KCNN1: variants seen among roughly 807,000 people sequenced by gnomAD.
The protein encoded by KCNN1 is small conductance calcium-activated potassium channel protein 1.
KCNN1 carries 20 observed loss-of-function variants against 44.7 expected under a neutral mutation model. The observed-to-expected ratio is 0.45, with a 90% confidence interval of 0.32 to 0.65. The LOEUF is 0.65. Ranked by LOEUF, KCNN1 falls within the 30% of genes least tolerant of loss-of-function variation. KCNN1 has a pLI of 0.05. For synonymous variants in KCNN1, 324 were observed against 341.7 expected (o/e 0.95, Z 0.57); for missense variants, 632 against 785.3 (o/e 0.80, Z 2.33).
intron 2 of KCNN1, among the ~76,000 whole-genome samples, chr19:17,961,727 C>T (rs747305429): frequency 5.3e-5 from 8 of 152,056 alleles, no homozygotes; most frequent in East Asian, 1.9e-4. Flanking sequence ...AGATTACAGG[C>T]GCGTGCTACC....
chr19:17,959,546 G>A (rs2031629923), intron 2 of KCNN1, among the ~76,000 whole-genome samples: 2 of 151,798 alleles, frequency 1.3e-5, no homozygotes, highest in Non-Finnish European at 2.9e-5. Flanking sequence ...GTGAGCCACC[G>A]CACCCGGTTA....
chr19:17,973,791 C>T lies in KCNN1; in HGVS notation c.-81-17C>T, dbSNP rs1187083101. The T allele has an allele frequency of 6.7e-6, 10 of 1,493,378 alleles. No individual in the cohort carries two copies. Among genetic ancestry groups the T allele is most frequent in the Non-Finnish European group, 8.9e-6 (10 of 1,128,912 alleles). 92.5% of individuals were successfully genotyped at this position (1,493,378 alleles called of 1,614,324 possible). On this transcript the variant is annotated splice_polypyrimidine_tract_variant and intron_variant, in intron 1 of 9. Transcript: ENST00000684775. ...AGCTGGACCCTGCTGTGACCATGTC[C>T]CTCTGTGCCCTTGCAGGTCAGTGCA...
intron 9 of KCNN1, among the ~76,000 whole-genome samples, chr19:17,994,864 C>T (rs573411011): frequency 6.6e-6 from 1 of 152,096 alleles, no homozygotes; most frequent in African/African-American, 2.4e-5. Context: ...TTTTTGAATT[C>T]TTCCACTGGA....
At chr19:17,988,862 G>A (rs1055284929) in intron 6 of KCNN1, among the ~76,000 whole-genome samples, 2 of 150,898 alleles carry the variant, frequency 1.3e-5, no homozygotes, top group Non-Finnish European at 2.9e-5. Flanking sequence ...AATAAGCCAA[G>A]ATGGCACCAC....
chr19:17,963,833 T>A (rs568054128), upstream of KCNN1, among the ~76,000 whole-genome samples: 4 of 152,126 alleles, frequency 2.6e-5, no homozygotes, highest in Non-Finnish European at 5.9e-5. Flanking sequence ...TCGAGCGATC[T>A]TCCTGCCTCA....
chr19:17,967,614 G>A (rs2031861298), intron 1 of KCNN1, among the ~76,000 whole-genome samples: 1 of 151,990 alleles, frequency 6.6e-6, no homozygotes, highest in Non-Finnish European at 1.5e-5. Context: ...GTTGGAGGTC[G>A]GGGAGCTCTC....
chr19:17,968,428 G>T (rs561330251), intron 1 of KCNN1, among the ~76,000 whole-genome samples: 2 of 152,068 alleles, frequency 1.3e-5, no homozygotes, highest in Non-Finnish European at 2.9e-5. Context: ...GGGGGGGTGG[G>T]GGGGAGGCAC....
At chr19:17,985,219 C>T in intron 4 of KCNN1, 93 bp from the exon 5 acceptor site, 1 of 1,296,032 alleles carries the variant, frequency 7.7e-7, no homozygotes, top group South Asian at 1.6e-5. Context: ...GGACTCAGGG[C>T]CCTCCAGCCC....
intron 9 of KCNN1, among the ~76,000 whole-genome samples, chr19:17,997,526 G>A (rs1044433038): frequency 4.6e-5 from 7 of 152,236 alleles, no homozygotes; most frequent in Middle Eastern, 6.8e-3. Context: ...TTCTTGAGAC[G>A]GATTTTCCCT....
rs1449137164 is a variant in KCNN1 at position 17,974,492 on chromosome 19, G to A, written c.402+202G>A. 6.6e-6 allele frequency among the ~76,000 whole-genome samples: 1 copy of A among 152,170 alleles called. No individual in the cohort carries two copies. ...CTACACATGGAGAAGGAAGGTTCCA[G>A]CCCATTCCCTGGCCAGGTGTCAAGG... On this transcript the variant is annotated intron_variant, in intron 2 of 9. Coordinates refer to ENST00000684775, the MANE Select transcript of KCNN1 (RefSeq NM_001386974.1). The surrounding 1 kb of genome is among the most constrained non-coding windows in gnomAD (Gnocchi z 7.3).
chr19:17,972,517 G>T (rs1013616200), intron 1 of KCNN1, among the ~76,000 whole-genome samples: 1 of 152,322 alleles, frequency 6.6e-6, no homozygotes, highest in African/African-American at 2.4e-5. Context: ...AGATCTTGGA[G>T]TTAAAGCCTG....
intron 4 of KCNN1, among the ~76,000 whole-genome samples, chr19:17,984,095 G>A (rs1024635787): frequency 6.6e-6 from 1 of 151,730 alleles, no homozygotes; most frequent in Non-Finnish European, 1.5e-5. Context: ...CCCGGGAGGT[G>A]TAGGTTGCAG....
intron 9 of KCNN1, among the ~76,000 whole-genome samples, chr19:17,994,075 A>C (rs2032898057): frequency 6.6e-6 from 1 of 152,210 alleles, no homozygotes; most frequent in African/African-American, 2.4e-5. Flanking sequence ...AATTCAAATG[A>C]TAGCCTTGGG....
At chr19:17,975,071 T>C (rs747655864) in intron 2 of KCNN1, 21 bp from the exon 3 acceptor site, 1 of 1,602,188 alleles carries the variant, frequency 6.2e-7, no homozygotes, top group Admixed American at 1.7e-5. Flanking sequence ...TCCATCTGGC[T>C]GTGTCCTCTC....
At chr19:17,991,993 T>C (rs1324298385) in intron 7 of KCNN1, among the ~76,000 whole-genome samples, 2 of 152,150 alleles carry the variant, frequency 1.3e-5, no homozygotes, top group African/African-American at 2.4e-5. Flanking sequence ...GAGCAACATA[T>C]ATAATTTTAA....
At chr19:17,992,829 C>T (rs1267930591) in intron 7 of KCNN1, among the ~76,000 whole-genome samples, 5 of 152,150 alleles carry the variant, frequency 3.3e-5, no homozygotes, top group Non-Finnish European at 5.9e-5. Context: ...ACACCGCCTC[C>T]GGTGGTGGTG....
In KCNN1 at chr19:17,973,926, C is replaced by T. The variant is rs781276210; in HGVS notation, c.38C>T (p.Pro13Leu). The T allele has an allele frequency of 9.0e-6, 14 of 1,554,982 alleles. No individual in the cohort carries two copies. Among genetic ancestry groups the T allele is most frequent in the East Asian group, 2.4e-5 (1 of 41,392 alleles). The change falls in exon 2 of 10, where the codon CCG becomes CTG. Residue 13 changes from proline to leucine, a missense_variant. Coordinates refer to ENST00000684775, the MANE Select transcript of KCNN1 (RefSeq NM_001386974.1). ...SHSYNGSVGR[P>L]LGSGPGALGR... The stretch of plus-strand genomic sequence containing the variant: ...AGCTACAATGGCAGCGTGGGGCGGC[C>T]GCTGGGCAGCGGGCCGGGCGCCCTG...
intron 3 of KCNN1, among the ~76,000 whole-genome samples, chr19:17,981,019 C>T (rs981474262): frequency 6.6e-6 from 1 of 151,990 alleles, no homozygotes; most frequent in African/African-American, 2.4e-5. Context: ...GAGTTTGAGA[C>T]CAGCCTGGCC....
At chr19:17,995,281 C>A (rs2032944840) in intron 9 of KCNN1, among the ~76,000 whole-genome samples, 1 of 151,276 alleles carries the variant, frequency 6.6e-6, no homozygotes, top group Admixed American at 6.6e-5. Context: ...TCAAGCAATC[C>A]CCCCAACTCA....
Sources: gnomAD v4.1 joint callset for allele counts (sites outside exome capture counted in the v4.1 genomes callset) on GRCh38, gnomAD v4.1.1 for gene constraint, Gnocchi (gnomAD v3.1) non-coding constraint, MANE v1.5 for transcripts, NCBI Gene and HGNC (gene_info 2026-07-23, HGNC 2026-07-21) for gene names.